The following RPH3AL variants were observed in gnomAD, a reference collection of about 807,000 sequenced individuals.
RPH3AL encodes the protein rab effector Noc2.
In RPH3AL, 38 loss-of-function variants were observed where a neutral mutation model predicts 43.1. That is an observed-to-expected ratio of 0.88 (90% CI 0.68 to 1.15). The LOEUF is 1.15. Ranked by LOEUF, RPH3AL falls within the 50% of genes most tolerant of loss-of-function variation. The pLI, the probability that RPH3AL is intolerant of heterozygous loss-of-function variation, is 0.00. For synonymous variants in RPH3AL, 189 were observed against 176.3 expected (o/e 1.07, Z -0.57); for missense variants, 462 against 423.2 (o/e 1.09, Z -0.81).
chr17:261,641 A>G (rs1379809173), intron 6 of RPH3AL: 3 of 152,218 alleles, frequency 2.0e-5, no homozygotes, highest in Admixed American at 2.0e-4. Flanking sequence ...GTGGCCGCCC[A>G]AAGACTCTGG....
chr17:350,377 C>T (rs528122979), intron 1 of RPH3AL, among the ~76,000 whole-genome samples: 1 of 152,112 alleles, frequency 6.6e-6, no homozygotes, highest in East Asian at 1.9e-4. Flanking sequence ...TTTGGGAGGC[C>T]GAGGTGGGCA....
In RPH3AL at chr17:283,015, G is replaced by A. The variant is rs2042818086; in HGVS notation, c.352-1161C>T. ...AAGAAGCAAGCTGGGAGGCAGAGGT[G>A]GATGTGTTGGGGCTGAGACCGGCTC... On this transcript the variant is annotated intron_variant, in intron 5 of 9. Transcript: ENST00000331302. The surrounding 1 kb of genome is among the most constrained non-coding windows in gnomAD (Gnocchi z 4.2). 6.6e-6 allele frequency among the ~76,000 whole-genome samples: 1 copy of A among 152,202 alleles called. No individual in the cohort carries two copies. Among genetic ancestry groups the A allele is most frequent in the African/African-American group, 2.4e-5 (1 of 41,452 alleles).
intron 6 of RPH3AL, chr17:261,705 T>C (rs1555546270): frequency 6.6e-6 from 1 of 152,212 alleles, no homozygotes; most frequent in Non-Finnish European, 1.5e-5. Flanking sequence ...AGAACACAGA[T>C]GTTTTTAAAC....
intron 7 of RPH3AL, among the ~76,000 whole-genome samples, chr17:229,728 C>T (rs1597888225): frequency 1.3e-5 from 2 of 152,238 alleles, no homozygotes; most frequent in East Asian, 3.9e-4. Flanking sequence ...GCCCGGTTCA[C>T]ACAGCCTGCT....
At chr17:350,640 T>A (rs2151739134) in intron 1 of RPH3AL, among the ~76,000 whole-genome samples, 1 of 152,222 alleles carries the variant, frequency 6.6e-6, no homozygotes, top group Middle Eastern at 3.4e-3. Flanking sequence ...AAACACAGTA[T>A]CTGGTACCTA....
intron 6 of RPH3AL, among the ~76,000 whole-genome samples, chr17:272,679 C>A (rs931230169): frequency 6.6e-6 from 1 of 150,596 alleles, no homozygotes; most frequent in Non-Finnish European, 1.5e-5. Context: ...ATGGGTGCAG[C>A]ACACCAACAT....
chr17:325,157 G>A (rs1376586596), intron 3 of RPH3AL, among the ~76,000 whole-genome samples: 3 of 152,222 alleles, frequency 2.0e-5, no homozygotes, highest in East Asian at 1.9e-4. Flanking sequence ...CACCGCGACC[G>A]GCCTATTCTT....
At chr17:307,199 C>CCCCACGGCAGGTCCAT (rs1567633699) in intron 5 of RPH3AL, among the ~76,000 whole-genome samples, 2 of 70,868 alleles carry the variant, frequency 2.8e-5, no homozygotes, top group African/African-American at 8.2e-5. Context: ...GGCAGGTCCT[C>CCCCACGGCAGGTCCAT]CCCACGGCAG....
intron 7 of RPH3AL, among the ~76,000 whole-genome samples, chr17:224,737 G>A (rs1461903461): frequency 6.6e-6 from 1 of 152,126 alleles, no homozygotes; most frequent in African/African-American, 2.4e-5. Flanking sequence ...GTGATAGACT[G>A]GATTAAGAAA....
chr17:328,648 C>A lies in RPH3AL; in HGVS notation c.-36-1069G>T, dbSNP rs992819855. Among the ~76,000 whole-genome samples, 1 of 152,086 alleles carries A rather than the reference C, an allele frequency of 6.6e-6. No homozygotes were observed. Among genetic ancestry groups the A allele is most frequent in the Non-Finnish European group, 1.5e-5 (1 of 68,016 alleles). ...TCATGACCGCCAAAAGCAGAAACAA[C>A]GAAAATATCCATCAACTGATGAATG... On this transcript the variant is annotated intron_variant, in intron 2 of 9. Transcript: ENST00000331302. The surrounding 1 kb of genome is among the most constrained non-coding windows in gnomAD (Gnocchi z 4.2).
chr17:293,840 C>G (rs1033708158), intron 5 of RPH3AL, among the ~76,000 whole-genome samples: 1 of 151,918 alleles, frequency 6.6e-6, no homozygotes, highest in East Asian at 1.9e-4. Flanking sequence ...ACCAACCTGG[C>G]CAACAAGGCG....
chr17:337,749 T>A lies in RPH3AL; in HGVS notation c.-212-3815A>T, dbSNP rs183422371. On this transcript the variant is annotated intron_variant, in intron 1 of 9. Coordinates refer to ENST00000331302, the MANE Select transcript of RPH3AL (RefSeq NM_006987.4). ...ACCAGGCCCGTGCCCAGCCGCTCAGTCTCGCTGCTCGAGGGCTGGGCAGGG... is the reference window on the plus strand; with the variant it reads ...ACCAGGCCCGTGCCCAGCCGCTCAGACTCGCTGCTCGAGGGCTGGGCAGGG... 4.0e-3 allele frequency among the ~76,000 whole-genome samples: 615 copies of A among 152,236 alleles called. 3 individuals carry two copies. Among genetic ancestry groups the A allele is most frequent in the African/African-American group, 0.014 (566 of 41,486 alleles).
chr17:337,857 G>C (rs1425616468), intron 1 of RPH3AL, among the ~76,000 whole-genome samples: 1 of 152,160 alleles, frequency 6.6e-6, no homozygotes, highest in Non-Finnish European at 1.5e-5. Flanking sequence ...TTTAACCTTG[G>C]AAAGTAAATC....
In RPH3AL at chr17:215,684, T is replaced by C. The variant is rs1307556869; in HGVS notation, c.846A>G (p.Gly282=). 7.9e-7 allele frequency: 1 copy of C among 1,273,556 alleles called. No individual in the cohort carries two copies. The highest frequency in any genetic ancestry group is 1.0e-6 in the Non-Finnish European group (1 of 1,004,496). The allele number at this position is 1,273,556 out of a possible 1,614,324, so 78.9% of individuals were successfully genotyped here. A position where few individuals can be genotyped will look rare whatever the true frequency, so the allele number is the denominator to read the frequency against. Residue 282 remains glycine (G), a synonymous_variant, in exon 9 of 10, where the codon GGA becomes GGG. Transcript: ENST00000331302. The surrounding 1 kb of genome is among the most constrained non-coding windows in gnomAD (Gnocchi z 4.1). ...CCCTTCGGGTCAGCCCGGGGCGGGG[T>C]CCCCCTGGCGGGTCAGCAGAGCCTG... The part of the protein sequence containing the change: ...TGTGSADPPG[G]PRPGLTRRAP...
chr17:218,191 C>T (rs796122754), intron 8 of RPH3AL, among the ~76,000 whole-genome samples: 2 of 144,364 alleles, frequency 1.4e-5, no homozygotes, highest in Non-Finnish European at 3.1e-5. Flanking sequence ...AGCCCTTCTT[C>T]TGCGCTAAAA....
intron 5 of RPH3AL, among the ~76,000 whole-genome samples, chr17:298,040 C>T (rs1048717342): frequency 1.3e-5 from 2 of 152,198 alleles, no homozygotes; most frequent in African/African-American, 4.8e-5. Flanking sequence ...GCTGTCCTCT[C>T]CCAACCCTCT....
At chr17:316,051 GA>G (rs1417675143) in intron 5 of RPH3AL, among the ~76,000 whole-genome samples, 7 of 112,590 alleles carry the variant, frequency 6.2e-5, no homozygotes, top group Middle Eastern at 9.6e-3. Context: ...TAGTCCCTGT[GA>G]CTCCACCTCC....
At chr17:224,218 C>G (rs989135669) in intron 7 of RPH3AL, among the ~76,000 whole-genome samples, 15 of 152,234 alleles carry the variant, frequency 9.9e-5, no homozygotes, top group Non-Finnish European at 1.8e-4. Context: ...GATGCTCCAG[C>G]AAAAGCACAG....
rs373530945 is a variant in RPH3AL, at chr17:225,293, G to A, written c.614-5557C>T. Among the ~76,000 whole-genome samples the A allele has an allele frequency of 6.6e-6, 1 of 152,078 alleles. No homozygotes were observed. The highest frequency in any genetic ancestry group is 1.5e-5 in the Non-Finnish European group (1 of 68,024). ...GGGATGGGGCATGGCTGTGGTCCGT[G>A]TGCCCTCTTCGTAGTACTTGAGAAA... On this transcript the variant is annotated intron_variant, in intron 7 of 9. Transcript: ENST00000331302. The surrounding 1 kb of genome is among the most constrained non-coding windows in gnomAD (Gnocchi z 4.4).
Sources: gnomAD v4.1 joint callset for allele counts (sites outside exome capture counted in the v4.1 genomes callset) on GRCh38, gnomAD v4.1.1 for gene constraint, Gnocchi (gnomAD v3.1) non-coding constraint, MANE v1.5 for transcripts, NCBI Gene and HGNC (gene_info 2026-07-23, HGNC 2026-07-21) for gene names.